The following NUP214 variants were observed in gnomAD, a reference collection of about 807,000 sequenced individuals.
NUP214 encodes the protein nucleoporin 214, also known as nuclear pore complex protein Nup214.
A neutral mutation model predicts 196.2 loss-of-function variants in NUP214; 79 were observed. That is an observed-to-expected ratio of 0.40 (90% CI 0.34 to 0.49). The LOEUF (loss-of-function observed/expected upper bound fraction) is 0.49. NUP214 is among the 20% of genes least tolerant of loss of function. The pLI, the probability that NUP214 is intolerant of heterozygous loss-of-function variation, is 0.58. For synonymous variants in NUP214, 1,020 were observed against 990.5 expected, an observed-to-expected ratio of 1.03 and a Z score of -0.56; for missense variants, 2,468 against 2,539.0, an observed-to-expected ratio of 0.97 and a Z score of 0.60.
intron 33 of NUP214, chr9:131,229,619 G>T: frequency 2.2e-6 from 1 of 453,644 alleles, no homozygotes. Context: ...GTTAATGCCA[G>T]GTCAGTTATT....
At chr9:131,211,670 A>G (rs1207410097) in intron 30 of NUP214, among the ~76,000 whole-genome samples, 1 of 152,200 alleles carries the variant, frequency 6.6e-6, no homozygotes, top group Non-Finnish European at 1.5e-5. Flanking sequence ...TCTTTACTAC[A>G]ATCTCTGAAC....
intron 30 of NUP214, among the ~76,000 whole-genome samples, chr9:131,203,898 A>G (rs1218687466): frequency 6.6e-6 from 1 of 152,188 alleles, no homozygotes; most frequent in Admixed American, 6.5e-5. Context: ...AAAGGGACAA[A>G]AATCACCAAC....
rs902161904 is a variant in NUP214, at chr9:131,162,855, TA to T, written c.2541-134del. ...TCCTTTTTATTTTCTAGTAATTTCTTAATGGTTCTTGTCCAGTGCTGGTTCT... is the reference window on the plus strand; with the variant it reads ...TCCTTTTTATTTTCTAGTAATTTCTTATGGTTCTTGTCCAGTGCTGGTTCT... On this transcript the variant is annotated intron_variant, in intron 18 of 35. Transcript: ENST00000359428. The T allele has an allele frequency of 7.6e-6, 6 of 784,850 alleles. No homozygotes were observed. The Admixed American group carries it at 1.4e-4, about 19-fold the overall frequency. 48.6% of individuals were successfully genotyped at this position (784,850 alleles called of 1,614,324 possible). A position where few individuals can be genotyped will look rare whatever the true frequency, so the allele number is the denominator to read the frequency against.
At chr9:131,168,773 A>G (rs1024641252) in intron 21 of NUP214, among the ~76,000 whole-genome samples, 3 of 152,232 alleles carry the variant, frequency 2.0e-5, no homozygotes, top group Middle Eastern at 3.4e-3. Flanking sequence ...GGTATGGCTC[A>G]TGTGTCATTT....
chr9:131,126,742 G>T (rs1454254417), intron 1 of NUP214, among the ~76,000 whole-genome samples: 1 of 151,948 alleles, frequency 6.6e-6, no homozygotes, highest in South Asian at 2.1e-4. Flanking sequence ...TAGAGACTGG[G>T]TTTCACGATG....
At chr9:131,174,407 C>T (rs1833044917) in intron 22 of NUP214, 89 bp downstream of exon 22, 1 of 1,124,144 alleles carries the variant, frequency 8.9e-7, no homozygotes, top group African/African-American at 1.7e-5. Flanking sequence ...ACTGTCACAC[C>T]AATATGGTGG....
Position 131,198,090 on chromosome 9 carries a change from A to G in NUP214, c.4596A>G (p.Gln1532=). ...QSAQLPQAPP[Q]TSDSVKKEPV... is the part of the protein sequence containing the mutation. ...CCCAGCTTCCCCAGGCTCCTCCGCA[A>G]ACTTCTGACTCTGTTAAAAAAGAAC... is the stretch of plus-strand genomic sequence containing the variant. Residue 1532 remains glutamine, a synonymous_variant, in exon 29 of 36, where the codon CAA becomes CAG. Coordinates refer to ENST00000359428, the MANE Select transcript of NUP214 (RefSeq NM_005085.4). 4 of 1,614,098 alleles carry G rather than the reference A, an allele frequency of 2.5e-6. No homozygotes were observed. The highest frequency in any genetic ancestry group is 3.4e-6 in the Non-Finnish European group (4 of 1,179,992).
intron 31 of NUP214, among the ~76,000 whole-genome samples, chr9:131,217,833 G>A (rs746909708): frequency 2.6e-5 from 4 of 152,230 alleles, no homozygotes; most frequent in Non-Finnish European, 5.9e-5. Flanking sequence ...TGACTGTCAA[G>A]GAGTTGCCTT....
chr9:131,198,367 G>A lies in NUP214; in HGVS notation c.4873G>A (p.Ala1625Thr). 2 of 1,614,212 alleles carry A rather than the reference G, an allele frequency of 1.2e-6. No homozygotes were observed. The highest frequency in any genetic ancestry group is 1.7e-6 in the Non-Finnish European group (2 of 1,180,038). The change falls in exon 29 of 36, where the codon GCT becomes ACT. Residue 1625 changes from alanine (A) to threonine (T), a missense_variant. By Grantham distance (58) the Ala-to-Thr change is moderately conservative. Around this residue, in one of 5 missense-constraint regions of NUP214, gnomAD observed 1,801 missense variants for 1,779.4 expected, o/e 1.01. Coordinates refer to ENST00000359428, the MANE Select transcript of NUP214 (RefSeq NM_005085.4). ...PIASSTTSIV[A>T]PGPSAEAAAF... ...AGCCTCCAGCACCACGTCCATTGTT[G>A]CTCCCGGCCCATCTGCAGAGGCAGC... is the stretch of plus-strand genomic sequence containing the variant.
At chr9:131,128,687 C>G (rs1385963354) in intron 3 of NUP214, 4 of 481,170 alleles carry the variant, frequency 8.3e-6, no homozygotes, top group Non-Finnish European at 1.4e-5. Flanking sequence ...ACGCCATCTG[C>G]CCTAAGTTGT....
At chr9:131,139,693 T>C (rs1465077756) in intron 10 of NUP214, among the ~76,000 whole-genome samples, 1 of 152,212 alleles carries the variant, frequency 6.6e-6, no homozygotes, top group African/African-American at 2.4e-5. Context: ...GGTTGAAATA[T>C]AGAACATCAG....
At chr9:131,130,161 T>TTTTTTTTTTTTTG (rs1554728091) in intron 4 of NUP214, among the ~76,000 whole-genome samples, 3 of 136,412 alleles carry the variant, frequency 2.2e-5, no homozygotes, top group Non-Finnish European at 3.2e-5. Context: ...GTTTTTTTTT[T>TTTTTTTTTTTTTG]GAGACAGAGT....
chr9:131,219,680 G>A (rs1218546471), intron 31 of NUP214, among the ~76,000 whole-genome samples: 2 of 152,184 alleles, frequency 1.3e-5, no homozygotes, highest in African/African-American at 4.8e-5. Flanking sequence ...CTTTAGTATT[G>A]TCCTGAGGAC....
intron 17 of NUP214, among the ~76,000 whole-genome samples, chr9:131,154,430 ATCTG>A (rs530889114): frequency 3.3e-3 from 505 of 152,038 alleles, no homozygotes; most frequent in African/African-American, 7.4e-3. Flanking sequence ...CTGTCTATCT[ATCTG>A]TCTGTCTGTC....
At chr9:131,135,740 G>A (rs1157397253) in intron 8 of NUP214, among the ~76,000 whole-genome samples, 200 bp from the exon 9 acceptor site, 3 of 152,200 alleles carry the variant, frequency 2.0e-5, no homozygotes, top group Non-Finnish European at 4.4e-5. Flanking sequence ...GCACTGAGCT[G>A]ATTCTACAGG....
intron 31 of NUP214, among the ~76,000 whole-genome samples, chr9:131,220,246 T>C (rs1474113104): frequency 6.6e-6 from 1 of 152,210 alleles, no homozygotes; most frequent in Admixed American, 6.5e-5. Context: ...AGATATTCTC[T>C]TATGGTAATA....
At chr9:131,180,812 A>G (rs771658933) in intron 24 of NUP214, among the ~76,000 whole-genome samples, 1 of 152,118 alleles carries the variant, frequency 6.6e-6, no homozygotes, top group African/African-American at 2.4e-5. Flanking sequence ...TTACACAAAC[A>G]CTTATTTTGG....
At chr9:131,160,188 C>T (rs993858350) in intron 18 of NUP214, among the ~76,000 whole-genome samples, 7 of 151,676 alleles carry the variant, frequency 4.6e-5, no homozygotes, top group East Asian at 3.9e-4. Context: ...ATAACTATTT[C>T]GCTATAATTA....
intron 21 of NUP214, 200 bp downstream of exon 21, chr9:131,164,344 C>G (rs1832725664): frequency 5.1e-6 from 3 of 588,682 alleles, no homozygotes; most frequent in Non-Finnish European, 9.1e-6. Flanking sequence ...GGAATAAGAA[C>G]CAGCTTATAT....
Sources: allele counts gnomAD v4.1 joint callset (sites outside exome capture counted in the v4.1 genomes callset), GRCh38; gene constraint gnomAD v4.1.1; regional missense constraint gnomAD v4.1.1; transcripts MANE v1.5; gene names NCBI Gene and HGNC (gene_info 2026-07-23, HGNC 2026-07-21).